The following GRM7 variants were observed in gnomAD, a reference collection of about 807,000 sequenced individuals.
The protein encoded by GRM7 is metabotropic glutamate receptor 7.
In GRM7, 35 loss-of-function variants were observed where a neutral mutation model predicts 84.5. That is an observed-to-expected ratio of 0.41 (90% CI 0.32 to 0.55). GRM7 has a LOEUF of 0.55. GRM7 is among the 20% of genes least tolerant of loss of function. GRM7 has a pLI of 0.19. For missense variants in GRM7, 1,003 were observed against 1,194.6 expected (o/e 0.84, Z 2.36); for synonymous variants, 487 against 455.1 (o/e 1.07, Z -0.89).
intron 4 of GRM7, among the ~76,000 whole-genome samples, chr3:7,331,182 C>T (rs1489246568): frequency 1.3e-5 from 2 of 152,096 alleles, no homozygotes; most frequent in Admixed American, 6.6e-5. Flanking sequence ...TAAAGGCTGG[C>T]ACACATTAGA....
chr3:7,024,446 G>C (rs1695899111), intron 1 of GRM7, among the ~76,000 whole-genome samples: 1 of 152,212 alleles, frequency 6.6e-6, no homozygotes. Flanking sequence ...GGAAAGAAAA[G>C]TTATTTTTTC....
chr3:7,100,385 C>A (rs1286693306), intron 1 of GRM7, among the ~76,000 whole-genome samples: 1 of 151,506 alleles, frequency 6.6e-6, no homozygotes, highest in Non-Finnish European at 1.5e-5. Flanking sequence ...GATGCAGCTC[C>A]CCAAGAGGCT....
intron 5 of GRM7, among the ~76,000 whole-genome samples, chr3:7,421,535 A>T (rs914971894): frequency 6.6e-6 from 1 of 151,574 alleles, no homozygotes; most frequent in Non-Finnish European, 1.5e-5. Context: ...TTACAAAGAG[A>T]TTTTTTTTTA....
intron 8 of GRM7, among the ~76,000 whole-genome samples, chr3:7,624,173 C>G (rs1171730538): frequency 1.3e-5 from 2 of 152,100 alleles, no homozygotes; most frequent in African/African-American, 4.8e-5. Flanking sequence ...TTAGAGGTTA[C>G]ATTCAAAATA....
At chr3:7,355,171 T>G (rs772062488) in intron 4 of GRM7, among the ~76,000 whole-genome samples, 6 of 152,156 alleles carry the variant, frequency 3.9e-5, no homozygotes, top group Non-Finnish European at 8.8e-5. Context: ...CCTGCCTAGA[T>G]ATTTCCTATA....
chr3:6,965,585 A>C (rs530508823), intron 1 of GRM7, among the ~76,000 whole-genome samples: 2 of 152,156 alleles, frequency 1.3e-5, no homozygotes, highest in African/African-American at 4.8e-5. Context: ...TCTTCCTGCC[A>C]CAGCCTCCCA....
At chr3:7,639,514 C>T (rs927904226) in intron 8 of GRM7, among the ~76,000 whole-genome samples, 6 of 152,140 alleles carry the variant, frequency 3.9e-5, no homozygotes, top group Non-Finnish European at 8.8e-5. Context: ...TTTCTTTCTT[C>T]CCATAGATCT....
intron 1 of GRM7, among the ~76,000 whole-genome samples, chr3:7,077,238 A>T (rs1698119581): frequency 6.6e-6 from 1 of 152,224 alleles, no homozygotes; most frequent in South Asian, 2.1e-4. Context: ...TACCCAAAGG[A>T]TTATAAATCA....
chr3:7,348,651 C>T (rs1470027766), intron 4 of GRM7, among the ~76,000 whole-genome samples: 1 of 152,128 alleles, frequency 6.6e-6, no homozygotes, highest in East Asian at 1.9e-4. Context: ...TCCCACATCC[C>T]TCAAAGAGTG....
intron 1 of GRM7, among the ~76,000 whole-genome samples, chr3:7,114,876 C>T (rs1692978431): frequency 6.6e-6 from 1 of 152,108 alleles, no homozygotes; most frequent in Non-Finnish European, 1.5e-5. Flanking sequence ...TGGAGATCAT[C>T]ACTGCTGCCC....
intron 1 of GRM7, among the ~76,000 whole-genome samples, chr3:6,889,483 A>T (rs1695844568): frequency 6.6e-6 from 1 of 151,600 alleles, no homozygotes; most frequent in Non-Finnish European, 1.5e-5. Context: ...GCATCTATTG[A>T]GATAATCATG....
At chr3:7,029,315 C>CAAAAAAA (rs1207041327) in intron 1 of GRM7, among the ~76,000 whole-genome samples, 1 of 92,842 alleles carries the variant, frequency 1.1e-5, no homozygotes, top group Non-Finnish European at 2.4e-5. Flanking sequence ...AAAAAAAAAA[C>CAAAAAAA]AAAAAAAAAA....
chr3:7,010,136 C>G (rs1187831348), intron 1 of GRM7, among the ~76,000 whole-genome samples: 2 of 152,060 alleles, frequency 1.3e-5, no homozygotes, highest in Non-Finnish European at 2.9e-5. Flanking sequence ...ACATCACAGA[C>G]AAGGGGAGAT....
intron 7 of GRM7, among the ~76,000 whole-genome samples, chr3:7,475,593 G>A (rs559651215): frequency 7.9e-5 from 12 of 152,092 alleles, no homozygotes; most frequent in African/African-American, 1.4e-4. Flanking sequence ...TCACTTTCTC[G>A]TCACTGTTAT....
intron 7 of GRM7, among the ~76,000 whole-genome samples, chr3:7,502,032 C>T (rs564185837): frequency 6.6e-6 from 1 of 152,296 alleles, no homozygotes; most frequent in East Asian, 1.9e-4. Flanking sequence ...TGGACTCAAT[C>T]AAAACTGGAC....
At chr3:7,668,469 C>G (rs778911828) in intron 8 of GRM7, among the ~76,000 whole-genome samples, 5 of 152,238 alleles carry the variant, frequency 3.3e-5, no homozygotes, top group African/African-American at 1.2e-4. Context: ...CTTTCTCTCT[C>G]TCTCTTTTAC....
At chr3:7,307,985 G>A (rs993342982) in intron 4 of GRM7, among the ~76,000 whole-genome samples, 7 of 152,246 alleles carry the variant, frequency 4.6e-5, no homozygotes, top group African/African-American at 7.2e-5. Flanking sequence ...CTAGGGTGGT[G>A]GTGATATGGT....
rs991729268 is a variant in GRM7 at position 7,624,819 on chromosome 3, C to T, written c.2451+45462C>T. Among the ~76,000 whole-genome samples the T allele has an allele frequency of 3.9e-5, 6 of 152,212 alleles. No homozygotes were observed. In the South Asian group the frequency reaches 6.2e-4, roughly 16 times the overall value. On this transcript the variant is annotated intron_variant, in intron 8 of 9. Transcript: ENST00000357716. ...CCTCTGTGTCTTTTCAAAGGTTAGA[C>T]GTTACCTGGTTGGAAACATGAGAAG... is the stretch of plus-strand genomic sequence containing the variant.
chr3:7,257,180 G>A (rs1296045460), intron 2 of GRM7, among the ~76,000 whole-genome samples: 2 of 152,136 alleles, frequency 1.3e-5, no homozygotes, highest in Non-Finnish European at 2.9e-5. Flanking sequence ...AGTTAGGTGA[G>A]GGACCTTATA....
Sources: allele counts gnomAD v4.1 joint callset (sites outside exome capture counted in the v4.1 genomes callset), GRCh38; gene constraint gnomAD v4.1.1; transcripts MANE v1.5; gene names NCBI Gene and HGNC (gene_info 2026-07-23, HGNC 2026-07-21).